TENM2: variants seen among roughly 807,000 people sequenced by gnomAD.
TENM2 encodes teneurin-2.
A neutral mutation model predicts 245.2 loss-of-function variants in TENM2; 52 were observed. The ratio of observed to expected loss-of-function variants is 0.21; its 90% CI spans 0.17 to 0.27. The LOEUF (loss-of-function observed/expected upper bound fraction) is 0.27. TENM2 is among the 10% of genes least tolerant of loss of function. The probability of loss-of-function intolerance (pLI) is 1.00; values close to 1 mark genes in which losing one functional copy is unlikely to be tolerated. For synonymous variants in TENM2, 1,363 were observed against 1,438.9 expected (o/e 0.95, Z 1.19); for missense variants, 3,046 against 3,666.8 (o/e 0.83, Z 4.37).
Position 168,238,259 on chromosome 5 carries a change from GAAAAGAAAAGAAAAGAAAA to G in TENM2, c.5521-6160_5521-6142del, listed in dbSNP as rs1346841490. The stretch of plus-strand genomic sequence containing the variant: ...GAAAAGAAAAGAAAAGAAAAGAAAA[GAAAAGAAAAGAAAAGAAAA>G]GAAAAGAAAAGAAAAGAAAAGAAAA... On this transcript the variant is annotated intron_variant, in intron 25 of 28. Coordinates refer to ENST00000518659, the Ensembl canonical transcript of TENM2. 6.4e-4 allele frequency among the ~76,000 whole-genome samples: 91 copies of G among 141,908 alleles called. 2 individuals carry two copies. Among genetic ancestry groups the G allele is most frequent in the African/African-American group, 2.1e-3 (81 of 38,252 alleles). 93.1% of individuals were successfully genotyped at this position (141,908 alleles called of 152,430 possible). A position where few individuals can be genotyped will look rare whatever the true frequency, so the allele number is the denominator to read the frequency against.
intron 9 of TENM2, among the ~76,000 whole-genome samples, chr5:168,111,775 A>AT (rs903745692): frequency 3.3e-5 from 5 of 151,956 alleles, no homozygotes; most frequent in African/African-American, 1.2e-4. Context: ...AAGCAGCCTT[A>AT]TTTTTTTCCC....
chr5:167,280,025 T>C (rs1428253618), upstream of TENM2, among the ~76,000 whole-genome samples: 1 of 152,190 alleles, frequency 6.6e-6, no homozygotes, highest in African/African-American at 2.4e-5. Context: ...TTAAACCTTC[T>C]ATTTTAGCTG....
At chr5:167,536,719 C>G (rs1325462655) in intron 2 of TENM2, among the ~76,000 whole-genome samples, 1 of 152,088 alleles carries the variant, frequency 6.6e-6, no homozygotes, top group African/African-American at 2.4e-5. Context: ...TTGTCTAGTT[C>G]AAGATTAGAT....
rs1270251974 is a variant in TENM2 at position 167,831,529 on chromosome 5, AAC to A, written c.503-44455_503-44454del. Among the ~76,000 whole-genome samples, 18 of 148,340 alleles carry A rather than the reference AAC, an allele frequency of 1.2e-4. No homozygotes were observed. In the Admixed American group the frequency reaches 1.2e-3, roughly 10 times the overall value. On this transcript the variant is annotated intron_variant, in intron 2 of 28. Transcript: ENST00000518659. Reference sequence around the variant, plus strand: ...TTTAAGAATACTGCAGCCTTTCATAAACAGAGTCACGTTTTGGCCCCAATGCA... The same window carrying A: ...TTTAAGAATACTGCAGCCTTTCATAAAGAGTCACGTTTTGGCCCCAATGCA...
chr5:166,998,767 A>G, the TENM2 span, among the ~76,000 whole-genome samples: 2 of 152,308 alleles, frequency 1.3e-5, no homozygotes, highest in South Asian at 4.1e-4. Context: ...GTGAACACAC[A>G]TGGGATGTGG....
intron 2 of TENM2, among the ~76,000 whole-genome samples, chr5:167,794,697 C>T (rs1765204131): frequency 1.3e-5 from 2 of 152,168 alleles, no homozygotes; most frequent in Admixed American, 1.3e-4. Context: ...GTTAGAAACA[C>T]TGTGGAAAAG....
At chr5:167,629,997 T>A (rs184611041) in intron 2 of TENM2, among the ~76,000 whole-genome samples, 1 of 152,178 alleles carries the variant, frequency 6.6e-6, no homozygotes, top group Non-Finnish European at 1.5e-5. Context: ...CCTCAGGAAA[T>A]ACGTTTCAAG....
At chr5:168,262,097 A>G (rs371539603) in exon 29 of TENM2, 1 of 1,613,836 alleles carries the variant, frequency 6.2e-7, no homozygotes, top group African/African-American at 1.3e-5. Flanking sequence ...CCAGGCCTTC[A>G]TGGCTCTGGA....
intron 28 of TENM2, among the ~76,000 whole-genome samples, chr5:168,261,157 AT>A (rs755112899): frequency 2.0e-4 from 30 of 152,156 alleles, no homozygotes; most frequent in Admixed American, 3.9e-4. Context: ...CATTTCTCTC[AT>A]TTATCTAAGT....
chr5:167,141,166 C>T, the TENM2 span, among the ~76,000 whole-genome samples: 14 of 152,140 alleles, frequency 9.2e-5, no homozygotes, highest in Admixed American at 3.3e-4. Context: ...CCACACACTG[C>T]GATTCGCTTC....
At chr5:167,904,920 T>G (rs1775971248) in intron 3 of TENM2, among the ~76,000 whole-genome samples, 1 of 152,188 alleles carries the variant, frequency 6.6e-6, no homozygotes, top group South Asian at 2.1e-4. Flanking sequence ...CAAAAGAGCT[T>G]CTTTCTCTCA....
chr5:167,215,963 A>G, the TENM2 span, among the ~76,000 whole-genome samples: 1 of 152,260 alleles, frequency 6.6e-6, no homozygotes, highest in South Asian at 2.1e-4. Context: ...AGTGATTTTC[A>G]ATGTATCCAT....
At chr5:168,196,758 A>G (rs184701308) in intron 15 of TENM2, among the ~76,000 whole-genome samples, 1 of 152,304 alleles carries the variant, frequency 6.6e-6, no homozygotes, top group Admixed American at 6.5e-5. Flanking sequence ...CACCGCCCCC[A>G]GGCCAGTGTT....
intron 2 of TENM2, among the ~76,000 whole-genome samples, chr5:167,771,910 G>T (rs1369415397): frequency 6.6e-6 from 1 of 152,150 alleles, no homozygotes; most frequent in Non-Finnish European, 1.5e-5. Flanking sequence ...TGTGTGTTTT[G>T]CTGTTGAGGG....
intron 3 of TENM2, among the ~76,000 whole-genome samples, chr5:167,880,838 A>G (rs1162844427): frequency 6.6e-6 from 1 of 152,232 alleles, no homozygotes; most frequent in Non-Finnish European, 1.5e-5. Context: ...TGTAAATTGC[A>G]TGCCCTATAG....
intron 2 of TENM2, among the ~76,000 whole-genome samples, chr5:167,492,677 G>A (rs572420792): frequency 6.6e-6 from 1 of 152,176 alleles, no homozygotes; most frequent in African/African-American, 2.4e-5. Flanking sequence ...CCATGCAAGA[G>A]TAAAACAAAA....
chr5:167,155,773 T>G, the TENM2 span, among the ~76,000 whole-genome samples: 1 of 152,246 alleles, frequency 6.6e-6, no homozygotes, highest in African/African-American at 2.4e-5. Flanking sequence ...TTTCAGTACA[T>G]TCACTCTGCA....
the TENM2 span, among the ~76,000 whole-genome samples, chr5:167,076,373 G>A: frequency 2.0e-5 from 3 of 152,154 alleles, no homozygotes; most frequent in East Asian, 5.8e-4. Context: ...AAAATCATAG[G>A]AAAAAATCCT....
At chr5:167,930,618 G>T (rs1778203357) in intron 3 of TENM2, among the ~76,000 whole-genome samples, 1 of 151,948 alleles carries the variant, frequency 6.6e-6, no homozygotes, top group South Asian at 2.1e-4. Context: ...AGGACTACAG[G>T]TGCATGCCAC....
Sources: allele counts gnomAD v4.1 joint callset (sites outside exome capture counted in the v4.1 genomes callset), GRCh38; gene constraint gnomAD v4.1.1; transcripts MANE v1.5; gene names NCBI Gene and HGNC (gene_info 2026-07-23, HGNC 2026-07-21).